The following SPATS1 variants were observed in gnomAD, a reference collection of about 807,000 sequenced individuals.
SPATS1 encodes the protein spermatogenesis associated serine rich 1.
SPATS1 carries 23 observed loss-of-function variants against 33.6 expected under a neutral mutation model. That is an observed-to-expected ratio of 0.68 (90% CI 0.49 to 0.97). The LOEUF (loss-of-function observed/expected upper bound fraction) is 0.97, where lower values mean the gene tolerates loss of function less well. Among genes scored for constraint, SPATS1 ranks in the 50% least tolerant of loss-of-function variants. The pLI is 0.00. For synonymous variants in SPATS1, 131 were observed against 125.6 expected, an observed-to-expected ratio of 1.04 and a Z score of -0.29; for missense variants, 327 against 361.0, an observed-to-expected ratio of 0.91 and a Z score of 0.76.
At chr6:44,352,992 T>C in intron 3 of SPATS1, 119 bp downstream of exon 3, 1 of 1,104,122 alleles carries the variant, frequency 9.1e-7, no homozygotes, top group Non-Finnish European at 1.3e-6. Context: ...CTAGACTGTG[T>C]GGGTTCAAAT....
At chr6:44,345,601 A>G (rs938057500) in intron 2 of SPATS1, among the ~76,000 whole-genome samples, 2 of 152,168 alleles carry the variant, frequency 1.3e-5, no homozygotes, top group East Asian at 1.9e-4. Context: ...TTTACATGCT[A>G]TGAAAGGCAG....
rs1482626745 is a variant in SPATS1 at position 44,361,971 on chromosome 6, T to C, written c.553T>C (p.Cys185Arg). ...TCTATCAGAGAGGACGGTGGACAAG[T>C]GCTTTGGGAGAAAGAAATACGGTGA... is the stretch of plus-strand genomic sequence containing the variant. ...RSLSERTVDK[C>R]FGRKKYDIDP... The change falls in exon 5 of 9, where the codon TGC (cysteine) becomes CGC (arginine). Residue 185 changes from cysteine (C) to arginine (R), a missense_variant. Cys to Arg is a radical substitution (Grantham distance 180). Transcript: ENST00000674044. The C allele has an allele frequency of 3.7e-6, 6 of 1,614,192 alleles. No individual in the cohort carries two copies. Among genetic ancestry groups the C allele is most frequent in the South Asian group, 2.2e-5 (2 of 91,086 alleles).
In SPATS1 at chr6:44,353,364, G is replaced by A. The variant is rs138294471; in HGVS notation, c.287+491G>A. Among the ~76,000 whole-genome samples, 1,083 of 152,268 alleles carry A rather than the reference G, an allele frequency of 7.1e-3. 18 individuals are homozygous for A. Among genetic ancestry groups the A allele is most frequent in the African/African-American group, 0.024 (1,015 of 41,542 alleles). On this transcript the variant is annotated intron_variant, in intron 3 of 8. Coordinates refer to ENST00000674044, the MANE Select transcript of SPATS1 (RefSeq NM_001372081.1). ...CAGATGGTTTCTGGGGAGTGGGGAA[G>A]GGAAGGACTGGCAATGTTTTGTTTC...
intron 2 of SPATS1, among the ~76,000 whole-genome samples, chr6:44,349,027 A>T (rs986182356): frequency 6.6e-6 from 1 of 152,184 alleles, no homozygotes; most frequent in African/African-American, 2.4e-5. Context: ...GCTACTCGGG[A>T]GGCTGAGACA....
At chr6:44,365,445 A>C (rs1354698974) in intron 5 of SPATS1, among the ~76,000 whole-genome samples, 1 of 152,214 alleles carries the variant, frequency 6.6e-6, no homozygotes, top group Non-Finnish European at 1.5e-5. Context: ...TAAGCACTAA[A>C]GTTTGCTCCT....
At position 44,377,835 on chromosome 6, in the gene SPATS1, C is replaced by T. The variant is rs1438520792; in HGVS notation, c.*772C>T. 6.6e-6 allele frequency: 1 copy of T among 152,310 alleles called. No individual in the cohort carries two copies. Among genetic ancestry groups the T allele is most frequent in the East Asian group, 1.9e-4 (1 of 5,172 alleles). The allele number at this position is 152,310 out of a possible 1,614,324, so 9.4% of individuals were successfully genotyped here. On this transcript the variant is annotated 3_prime_UTR_variant, in exon 9 of 9. Coordinates refer to ENST00000674044, the MANE Select transcript of SPATS1 (RefSeq NM_001372081.1). ...AGGGCACTAATCTCATTCATGAGGG[C>T]TCTGGTCTCATGACCTAATCGCCTC...
intron 2 of SPATS1, chr6:44,343,651 T>C: frequency 2.7e-6 from 1 of 375,776 alleles, no homozygotes; most frequent in Admixed American, 3.4e-5. Context: ...GTTTGTGTCA[T>C]TGTTTATTGG....
At chr6:44,366,736 T>C (rs923548735) in intron 5 of SPATS1, among the ~76,000 whole-genome samples, 7 of 152,172 alleles carry the variant, frequency 4.6e-5, no homozygotes, top group Admixed American at 2.6e-4. Flanking sequence ...ATCCTCCAGA[T>C]TAAAAAATAA....
chr6:44,363,652 TTCCC>T (rs72549908), intron 5 of SPATS1, among the ~76,000 whole-genome samples: 1,438 of 135,170 alleles, frequency 0.011, 32 homozygotes, highest in Non-Finnish European at 0.015. Context: ...CCTTCCTTCC[TTCCC>T]TCCTTCCCTC....
intron 6 of SPATS1, 138 bp from the exon 7 acceptor site, chr6:44,369,913 C>T (rs997915957): frequency 2.7e-5 from 8 of 296,286 alleles, no homozygotes; most frequent in Non-Finnish European, 4.9e-5. Context: ...AAAATAAAAT[C>T]TGCGGTTCTT....
intron 2 of SPATS1, among the ~76,000 whole-genome samples, chr6:44,344,390 C>CGTGTGTGTGTGTGT (rs70993448): frequency 1.2e-4 from 17 of 145,604 alleles, no homozygotes; most frequent in East Asian, 6.0e-4. Context: ...ATTGAAGATA[C>CGTGTGTGTGTGTGT]GTGTGTGTGT....
At chr6:44,351,977 T>C (rs1410820923) in intron 2 of SPATS1, among the ~76,000 whole-genome samples, 1 of 152,196 alleles carries the variant, frequency 6.6e-6, no homozygotes, top group African/African-American at 2.4e-5. Flanking sequence ...CTTAATACAA[T>C]GTACAGTGCT....
intron 2 of SPATS1, among the ~76,000 whole-genome samples, chr6:44,349,912 G>C (rs1045140919): frequency 6.6e-6 from 1 of 152,166 alleles, no homozygotes; most frequent in African/African-American, 2.4e-5. Context: ...AGAGAGTGTG[G>C]TCTATGTATT....
intron 5 of SPATS1, among the ~76,000 whole-genome samples, chr6:44,368,003 T>C (rs1348698146): frequency 6.6e-6 from 1 of 152,188 alleles, no homozygotes; most frequent in Admixed American, 6.5e-5. Context: ...GGGACACTTG[T>C]TTCTTCGGCT....
At chr6:44,346,262 C>T (rs1371045299) in intron 2 of SPATS1, among the ~76,000 whole-genome samples, 1 of 134,834 alleles carries the variant, frequency 7.4e-6, no homozygotes, top group Non-Finnish European at 1.6e-5. Context: ...GCCTGGGTGA[C>T]AGAACAAGAC....
chr6:44,362,768 G>A (rs1422550130), intron 5 of SPATS1, among the ~76,000 whole-genome samples: 3 of 152,034 alleles, frequency 2.0e-5, no homozygotes, highest in Middle Eastern at 3.4e-3. Context: ...AGAAAAATAC[G>A]TAGAAAGCCA....
At chr6:44,350,914 A>C (rs1318112742) in intron 2 of SPATS1, among the ~76,000 whole-genome samples, 2 of 152,240 alleles carry the variant, frequency 1.3e-5, no homozygotes, top group Non-Finnish European at 2.9e-5. Context: ...GCTTGAGGCC[A>C]GGAGTTTGAG....
At chr6:44,348,721 C>T (rs563761288) in intron 2 of SPATS1, among the ~76,000 whole-genome samples, 9 of 152,286 alleles carry the variant, frequency 5.9e-5, no homozygotes, top group East Asian at 3.9e-4. Flanking sequence ...CGGTGGCTCA[C>T]GCCTGTAATA....
intron 7 of SPATS1, among the ~76,000 whole-genome samples, chr6:44,374,653 T>C (rs1213589668): frequency 6.6e-6 from 1 of 152,242 alleles, no homozygotes; most frequent in Non-Finnish European, 1.5e-5. Flanking sequence ...TGTTACATTA[T>C]TTGTTACATT....
Sources: allele counts gnomAD v4.1 joint callset (sites outside exome capture counted in the v4.1 genomes callset), GRCh38; gene constraint gnomAD v4.1.1; transcripts MANE v1.5; gene names NCBI Gene and HGNC (gene_info 2026-07-23, HGNC 2026-07-21).